SPC25: variants seen among roughly 807,000 people sequenced by gnomAD.
SPC25 encodes kinetochore protein Spc25.
In SPC25, 22 loss-of-function variants were observed where a neutral mutation model predicts 29.6. That is an observed-to-expected ratio of 0.74 (90% CI 0.53 to 1.06). SPC25 has a LOEUF of 1.06. Among genes scored for constraint, SPC25 ranks in the 50% least tolerant of loss-of-function variants. The probability of loss-of-function intolerance (pLI) is 0.00; values close to 1 mark genes in which losing one functional copy is unlikely to be tolerated. For missense variants in SPC25, 230 were observed against 255.8 expected, an observed-to-expected ratio of 0.90 and a Z score of 0.69; for synonymous variants, 91 against 90.4, an observed-to-expected ratio of 1.01 and a Z score of -0.04.
intron 3 of SPC25, among the ~76,000 whole-genome samples, chr2:168,887,435 GAAAGAAAGAAAAT>G (rs1690289215): frequency 7.0e-6 from 1 of 142,640 alleles, no homozygotes; most frequent in Admixed American, 7.0e-5. Context: ...AAAAAAAAAA[GAAAGAAAGAAAAT>G]AAAGAAAGAA....
chr2:168,863,765 C>A, intron 4 of SPC25: 1 of 545,824 alleles, frequency 1.8e-6, no homozygotes, highest in Non-Finnish European at 2.3e-6. Flanking sequence ...ATACTTATAG[C>A]AGCCAACACG....
downstream of SPC25, among the ~76,000 whole-genome samples, chr2:168,869,174 T>G (rs922633044): frequency 1.2e-4 from 18 of 152,146 alleles, no homozygotes; most frequent in Admixed American, 3.9e-4. Flanking sequence ...TGCTAAAAAC[T>G]CTCAATAAAT....
chr2:168,862,536 A>AACTT (rs1689529184), intron 4 of SPC25, among the ~76,000 whole-genome samples: 1 of 128,360 alleles, frequency 7.8e-6, no homozygotes, highest in African/African-American at 2.6e-5. Flanking sequence ...CTCCTCTCTC[A>AACTT]ACTTAGTGTA....
intron 3 of SPC25, among the ~76,000 whole-genome samples, 168 bp downstream of exon 3, chr2:168,889,036 TATATATATACACATATATATAC>T (rs1425996964): frequency 4.7e-4 from 35 of 74,968 alleles, no homozygotes; most frequent in South Asian, 1.7e-3. Context: ...TATATATACA[TATATATATACACATATATATAC>T]ATATATATAT....
intron 5 of SPC25, among the ~76,000 whole-genome samples, chr2:168,875,481 TAAAAC>T (rs1193130539): frequency 3.9e-5 from 6 of 152,232 alleles, no homozygotes; most frequent in African/African-American, 1.4e-4. Flanking sequence ...CAACTAATAA[TAAAAC>T]AGAACAATTA....
intron 3 of SPC25, among the ~76,000 whole-genome samples, chr2:168,880,178 T>C (rs1690153738): frequency 6.6e-6 from 1 of 152,204 alleles, no homozygotes; most frequent in Non-Finnish European, 1.5e-5. Flanking sequence ...CCTTGACTTC[T>C]CTCTAGCTAT....
downstream of SPC25, among the ~76,000 whole-genome samples, chr2:168,868,298 G>C (rs1338624251): frequency 6.6e-6 from 1 of 152,166 alleles, no homozygotes; most frequent in East Asian, 1.9e-4. Flanking sequence ...CAAAGAACTA[G>C]AAAAGCAAGA....
intron 3 of SPC25, among the ~76,000 whole-genome samples, chr2:168,879,662 A>G (rs1690141923): frequency 6.6e-6 from 1 of 152,204 alleles, no homozygotes; most frequent in South Asian, 2.1e-4. Flanking sequence ...TGAATCACGA[A>G]TGTTCTATGG....
downstream of SPC25, among the ~76,000 whole-genome samples, chr2:168,870,418 G>A (rs1482529505): frequency 6.6e-6 from 1 of 151,050 alleles, no homozygotes; most frequent in Non-Finnish European, 1.5e-5. Flanking sequence ...GAGTGAACAG[G>A]CAACCTACAG....
chr2:168,889,936 C>T lies in SPC25; in HGVS notation c.-15+382G>A, dbSNP rs115663751. On this transcript the variant is annotated intron_variant, in intron 1 of 6. Coordinates refer to ENST00000282074, the MANE Select transcript of SPC25 (RefSeq NM_020675.4). ...ATAAGACCCCACACATCTATCCTGT[C>T]TCTCTCCTCCACCTCAGAACAGTAA... 2.3e-3 allele frequency among the ~76,000 whole-genome samples: 356 copies of T among 152,294 alleles called. 2 individuals carry two copies. Among genetic ancestry groups the T allele is most frequent in the African/African-American group, 7.7e-3 (320 of 41,562 alleles).
intron 3 of SPC25, among the ~76,000 whole-genome samples, chr2:168,880,612 G>A (rs576899888): frequency 3.9e-5 from 6 of 152,346 alleles, no homozygotes; most frequent in African/African-American, 1.4e-4. Context: ...TGGCGCAAGA[G>A]GCCAAGCTTT....
At chr2:168,868,521 G>T (rs1462233480), downstream of SPC25, among the ~76,000 whole-genome samples, 1 of 152,030 alleles carries the variant, frequency 6.6e-6, no homozygotes, top group Non-Finnish European at 1.5e-5. Context: ...TGATAAAGGG[G>T]ATATCACCAC....
At chr2:168,872,616 T>C (rs1166109701) in intron 6 of SPC25, among the ~76,000 whole-genome samples, 1 of 152,146 alleles carries the variant, frequency 6.6e-6, no homozygotes, top group Non-Finnish European at 1.5e-5. Flanking sequence ...GTCCAAAATG[T>C]ATCCTGTATA....
chr2:168,888,763 GTA>G (rs1264089023), intron 3 of SPC25, among the ~76,000 whole-genome samples: 1 of 148,614 alleles, frequency 6.7e-6, no homozygotes. Context: ...CTATATATAT[GTA>G]TATATATATA....
At chr2:168,873,443 A>G (rs1574359100) in intron 6 of SPC25, 142 bp downstream of exon 6, 1 of 572,662 alleles carries the variant, frequency 1.7e-6, no homozygotes, top group Non-Finnish European at 3.1e-6. Flanking sequence ...CCTTTAGAAG[A>G]CTATACTCCA....
chr2:168,864,007 T>TTCAAGTGATTC (rs1466722607), intron 4 of SPC25, among the ~76,000 whole-genome samples: 3 of 151,858 alleles, frequency 2.0e-5, no homozygotes, highest in Non-Finnish European at 4.4e-5. Context: ...GTCTCCTGGA[T>TTCAAGTGATTC]TCAAGTGATT....
At chr2:168,864,040 TCA>T (rs1333400292) in intron 4 of SPC25, among the ~76,000 whole-genome samples, 1 of 151,282 alleles carries the variant, frequency 6.6e-6, no homozygotes, top group Non-Finnish European at 1.5e-5. Context: ...TCTCCCAAGC[TCA>T]CTGCAACCTC....
rs942237808 is a variant in SPC25, at chr2:168,890,264, C to T, written c.-15+54G>A. The T allele has an allele frequency of 3.3e-6, 3 of 906,182 alleles. No individual in the cohort carries two copies. In the African/African-American group the frequency reaches 5.4e-5, roughly 16 times the overall value. The allele number at this position is 906,182 out of a possible 1,614,324, so 56.1% of individuals were successfully genotyped here. The stretch of plus-strand genomic sequence containing the variant: ...CACATCCCGCCCTCAAATTCACTTT[C>T]CCTTATTGCGACAGGGGGGCCAAGG... On this transcript the variant is annotated intron_variant, in intron 1 of 6. Coordinates refer to ENST00000282074, the MANE Select transcript of SPC25 (RefSeq NM_020675.4).
downstream of SPC25, among the ~76,000 whole-genome samples, chr2:168,870,288 T>C (rs1449064163): frequency 6.6e-6 from 1 of 151,694 alleles, no homozygotes; most frequent in African/African-American, 2.4e-5. Flanking sequence ...ATTCAGGACA[T>C]AGGCATGGGC....
Sources: allele counts gnomAD v4.1 joint callset (sites outside exome capture counted in the v4.1 genomes callset), GRCh38; gene constraint gnomAD v4.1.1; transcripts MANE v1.5; gene names NCBI Gene and HGNC (gene_info 2026-07-23, HGNC 2026-07-21).